Variants in GLIS1 observed in about 807,000 individuals in gnomAD.
GLIS1 encodes the protein zinc finger protein GLIS1.
A neutral mutation model predicts 63.8 loss-of-function variants in GLIS1; 24 were observed. The ratio of observed to expected loss-of-function variants is 0.38; its 90% CI spans 0.27 to 0.53. GLIS1 has a LOEUF of 0.53. GLIS1 is among the 20% of genes least tolerant of loss of function. GLIS1 has a pLI of 0.85. For missense variants in GLIS1, 1,036 were observed against 1,074.1 expected, an observed-to-expected ratio of 0.96 and a Z score of 0.50; for synonymous variants, 450 against 482.5, an observed-to-expected ratio of 0.93 and a Z score of 0.88.
chr1:53,570,580 TG>T (rs1644975480), intron 4 of GLIS1, among the ~76,000 whole-genome samples: 1 of 152,138 alleles, frequency 6.6e-6, no homozygotes, highest in Non-Finnish European at 1.5e-5. Flanking sequence ...TGGTAATTAA[TG>T]TGCTGTGGTA....
At chr1:53,566,836 C>T (rs72899258) in intron 4 of GLIS1, among the ~76,000 whole-genome samples, 67 of 152,316 alleles carry the variant, frequency 4.4e-4, no homozygotes, top group African/African-American at 1.5e-3. Context: ...AATCATGCTT[C>T]CTGTTAAGCC....
intron 2 of GLIS1, among the ~76,000 whole-genome samples, chr1:53,653,905 G>A (rs17387330): frequency 0.23 from 35,038 of 152,130 alleles, 4,726 homozygotes; most frequent in Non-Finnish European, 0.32. Context: ...GCTCCCGAAG[G>A]AGAAGTATCC....
At chr1:53,652,144 A>G (rs1028532300) in intron 2 of GLIS1, among the ~76,000 whole-genome samples, 1 of 152,212 alleles carries the variant, frequency 6.6e-6, no homozygotes, top group Non-Finnish European at 1.5e-5. Flanking sequence ...CTTCATCTGT[A>G]AAACGGGCTG....
intron 2 of GLIS1, among the ~76,000 whole-genome samples, chr1:53,713,926 C>A (rs1215638899): frequency 6.6e-6 from 1 of 152,242 alleles, no homozygotes; most frequent in Non-Finnish European, 1.5e-5. Context: ...CAGACTGCCA[C>A]AGAAGGACAC....
intron 4 of GLIS1, among the ~76,000 whole-genome samples, chr1:53,532,364 G>C (rs1008961258): frequency 6.6e-6 from 1 of 152,180 alleles, no homozygotes; most frequent in Admixed American, 6.5e-5. Flanking sequence ...AGAGACACGA[G>C]AGACAATGAT....
rs911245792 is a variant in GLIS1 at position 53,511,720 on chromosome 1, C to G, written c.1884-1693G>C. On this transcript the variant is annotated intron_variant, in intron 8 of 10. Transcript: ENST00000628545. The surrounding 1 kb of genome is among the most constrained non-coding windows in gnomAD (Gnocchi z 4.2). The stretch of plus-strand genomic sequence containing the variant: ...GCGTCTTCCTCTATGCACTAGAAAC[C>G]GTGGACAGCTGTGCACGAGCTGTGT... Among the ~76,000 whole-genome samples the G allele has an allele frequency of 6.6e-6, 1 of 152,150 alleles. No individual in the cohort carries two copies.
chr1:53,702,743 G>C (rs1228482729), intron 2 of GLIS1, among the ~76,000 whole-genome samples: 1 of 144,220 alleles, frequency 6.9e-6, no homozygotes, highest in Non-Finnish European at 1.5e-5. Context: ...TGGGACCTCA[G>C]CCACAGAAGA....
intron 2 of GLIS1, among the ~76,000 whole-genome samples, chr1:53,611,548 T>C (rs1645424984): frequency 6.6e-6 from 1 of 152,234 alleles, no homozygotes; most frequent in Non-Finnish European, 1.5e-5. Context: ...ACAGATGATA[T>C]CTTCCTCCAG....
intron 4 of GLIS1, among the ~76,000 whole-genome samples, chr1:53,592,971 G>A (rs1489163205): frequency 2.6e-5 from 4 of 152,248 alleles, no homozygotes; most frequent in Non-Finnish European, 5.9e-5. Flanking sequence ...TTGCCAATGT[G>A]TCCTGCCTCC....
intron 4 of GLIS1, among the ~76,000 whole-genome samples, chr1:53,532,039 G>A (rs1378582741): frequency 6.6e-6 from 1 of 152,188 alleles, no homozygotes; most frequent in Non-Finnish European, 1.5e-5. Flanking sequence ...GGGGTGGGCT[G>A]GGCTCTACTG....
At chr1:53,682,199 C>T (rs945982807) in intron 2 of GLIS1, among the ~76,000 whole-genome samples, 4 of 152,224 alleles carry the variant, frequency 2.6e-5, no homozygotes, top group African/African-American at 4.8e-5. Context: ...CGCTCACCAC[C>T]GGACTCCGAC....
In GLIS1 at chr1:53,696,738, C is replaced by T. The variant is rs116527404; in HGVS notation, c.259+41068G>A. Among the ~76,000 whole-genome samples the T allele has an allele frequency of 2.0e-3, 309 of 152,336 alleles. 2 individuals carry two copies. Among genetic ancestry groups the T allele is most frequent in the African/African-American group, 7.2e-3 (301 of 41,574 alleles). On this transcript the variant is annotated intron_variant, in intron 2 of 10. Transcript: ENST00000628545. ...TGCTGTCTGCTTTCCCACCATTACACTTTGCCCATGCCGCCTGGAACTCCC... is the reference window on the plus strand; with the variant it reads ...TGCTGTCTGCTTTCCCACCATTACATTTTGCCCATGCCGCCTGGAACTCCC...
intron 2 of GLIS1, among the ~76,000 whole-genome samples, chr1:53,601,180 A>C (rs1029851168): frequency 5.3e-5 from 8 of 152,122 alleles, no homozygotes; most frequent in African/African-American, 1.9e-4. Context: ...GCCCCAAACC[A>C]ATTCCATAAC....
At chr1:53,687,193 G>A (rs1310251289) in intron 2 of GLIS1, among the ~76,000 whole-genome samples, 1 of 152,222 alleles carries the variant, frequency 6.6e-6, no homozygotes, top group Non-Finnish European at 1.5e-5. Flanking sequence ...AGCCAGGCAG[G>A]AGAGCTGGAC....
chr1:53,535,536 CT>C (rs778835407), intron 4 of GLIS1, among the ~76,000 whole-genome samples: 2 of 152,042 alleles, frequency 1.3e-5, no homozygotes, highest in African/African-American at 2.4e-5. Context: ...TATGGGGCCC[CT>C]GACCTCCCAC....
chr1:53,693,768 C>T (rs56368850), intron 2 of GLIS1, among the ~76,000 whole-genome samples: 22,494 of 152,224 alleles, frequency 0.15, 2,055 homozygotes, highest in Non-Finnish European at 0.21. Context: ...GTTACCACCG[C>T]ACTGGGTGGC....
At chr1:53,669,405 C>A (rs1465037) in intron 2 of GLIS1, among the ~76,000 whole-genome samples, 31,575 of 151,374 alleles carry the variant, frequency 0.21, 3,335 homozygotes, top group East Asian at 0.33. Context: ...GTGTGGTCAG[C>A]GAGGGAGAAA....
intron 4 of GLIS1, among the ~76,000 whole-genome samples, chr1:53,548,255 A>G (rs1644724520): frequency 6.6e-6 from 1 of 152,174 alleles, no homozygotes; most frequent in Admixed American, 6.5e-5. Flanking sequence ...GAGTACTGAG[A>G]GCCTCCCTTC....
intron 4 of GLIS1, among the ~76,000 whole-genome samples, chr1:53,530,281 C>G (rs1228047380): frequency 1.3e-5 from 2 of 152,260 alleles, no homozygotes; most frequent in Non-Finnish European, 2.9e-5. Flanking sequence ...ACAGCACAGC[C>G]CCGAATCAGG....
Sources: allele counts gnomAD v4.1 joint callset (sites outside exome capture counted in the v4.1 genomes callset), GRCh38; gene constraint gnomAD v4.1.1; non-coding constraint Gnocchi (gnomAD v3.1); transcripts MANE v1.5; gene names NCBI Gene and HGNC (gene_info 2026-07-23, HGNC 2026-07-21).